The following MSH4 variants were observed in gnomAD, a reference collection of about 807,000 sequenced individuals.
MSH4 encodes mutS protein homolog 4.
A neutral mutation model predicts 113.7 loss-of-function variants in MSH4; 106 were observed. The observed-to-expected ratio is 0.93, with a 90% CI of 0.80 to 1.10. The LOEUF (loss-of-function observed/expected upper bound fraction) is 1.10. Ranked by LOEUF, MSH4 falls within the 50% of genes least tolerant of loss-of-function variation. The pLI is 0.00. For synonymous variants in MSH4, 368 were observed against 380.2 expected (o/e 0.97, Z 0.37); for missense variants, 1,061 against 1,093.7 (o/e 0.97, Z 0.42).
intron 19 of MSH4, among the ~76,000 whole-genome samples, chr1:75,910,356 A>T (rs1652763014): frequency 6.6e-6 from 1 of 151,812 alleles, no homozygotes; most frequent in Non-Finnish European, 1.5e-5. Context: ...ATGTGGAATT[A>T]TTCTCTCCTG....
At chr1:75,843,952 C>T (rs980099108) in intron 7 of MSH4, among the ~76,000 whole-genome samples, 3 of 152,102 alleles carry the variant, frequency 2.0e-5, no homozygotes, top group East Asian at 3.9e-4. Context: ...GCGGGGATTA[C>T]AGGCATGCAC....
intron 1 of MSH4, among the ~76,000 whole-genome samples, chr1:75,799,344 A>G (rs1337903614): frequency 1.3e-5 from 2 of 152,156 alleles, no homozygotes; most frequent in Non-Finnish European, 1.5e-5. Context: ...GGTTCAAATT[A>G]TGTTAGCAGC....
chr1:75,826,158 G>T (rs1031039440), intron 7 of MSH4, among the ~76,000 whole-genome samples: 1 of 152,028 alleles, frequency 6.6e-6, no homozygotes, highest in Non-Finnish European at 1.5e-5. Context: ...TATTGGTCTA[G>T]TCACAGATTC....
chr1:75,797,044 C>G lies in MSH4; in HGVS notation c.59C>G (p.Ser20Trp), dbSNP rs1557485262. 2 of 1,614,074 alleles carry G rather than the reference C, an allele frequency of 1.2e-6. No individual in the cohort carries two copies. The highest frequency in any genetic ancestry group is 4.5e-5 in the East Asian group (2 of 44,876). The change falls in exon 1 of 20, where the codon TCG (serine) becomes TGG (tryptophan). Residue 20 changes from serine (S) to tryptophan (W), a missense_variant. Physicochemically the swap from Ser to Trp is radical, Grantham distance 177. Transcript: ENST00000263187. ...TCTGCCCCGGCGGTTTCCCCGTCGT[C>G]GGGAGAAACCCGCTCACCTCAGGGT... ...SPSAPAVSPS[S>W]GETRSPQGPR...
intron 7 of MSH4, among the ~76,000 whole-genome samples, chr1:75,825,352 G>A (rs1650523330): frequency 6.6e-6 from 1 of 152,090 alleles, no homozygotes; most frequent in South Asian, 2.1e-4. Flanking sequence ...ATCAGTTTAA[G>A]GAGTTTTTGG....
chr1:75,894,381 C>G (rs12136341), intron 17 of MSH4, among the ~76,000 whole-genome samples: 9 of 152,130 alleles, frequency 5.9e-5, no homozygotes, highest in South Asian at 2.1e-4. Context: ...CATAAAAGTT[C>G]TAGGTTGAGG....
At chr1:75,891,515 G>A (rs954045463) in intron 17 of MSH4, among the ~76,000 whole-genome samples, 6 of 151,988 alleles carry the variant, frequency 3.9e-5, no homozygotes, top group African/African-American at 9.7e-5. Context: ...GTGCAGTGGC[G>A]CAATCTTGGC....
At chr1:75,875,123 A>G (rs1651791202) in intron 9 of MSH4, among the ~76,000 whole-genome samples, 1 of 152,236 alleles carries the variant, frequency 6.6e-6, no homozygotes, top group South Asian at 2.1e-4. Flanking sequence ...CGAACTCCTG[A>G]GCTCAAGCAA....
intron 4 of MSH4, 69 bp downstream of exon 4, chr1:75,810,876 T>G: frequency 1.3e-6 from 1 of 762,786 alleles, no homozygotes; most frequent in East Asian, 3.5e-5. Flanking sequence ...TATTTATTAT[T>G]TATTTATTTT....
intron 7 of MSH4, among the ~76,000 whole-genome samples, chr1:75,824,046 C>T (rs1042932852): frequency 3.9e-5 from 6 of 152,088 alleles, no homozygotes; most frequent in African/African-American, 9.7e-5. Context: ...CTTGAGGAAT[C>T]GCCACACTGT....
intron 7 of MSH4, among the ~76,000 whole-genome samples, chr1:75,843,767 A>T (rs1651019269): frequency 6.6e-6 from 1 of 152,158 alleles, no homozygotes; most frequent in Admixed American, 6.5e-5. Context: ...GACACCTGAC[A>T]GTTTGAACAG....
chr1:75,889,435 A>T, intron 16 of MSH4, 66 bp downstream of exon 16: 1 of 697,634 alleles, frequency 1.4e-6, no homozygotes, highest in Admixed American at 2.8e-5. Flanking sequence ...CAGTTATCAC[A>T]TAAAATATTT....
chr1:75,882,665 A>T (rs5745479), intron 14 of MSH4, among the ~76,000 whole-genome samples: 405 of 20,616 alleles, frequency 0.02, 24 homozygotes, highest in Middle Eastern at 0.095. Context: ...CTCATTTCTA[A>T]AAAAAAAAAA....
At chr1:75,814,303 A>G (rs2100513139) in intron 4 of MSH4, among the ~76,000 whole-genome samples, 1 of 151,556 alleles carries the variant, frequency 6.6e-6, no homozygotes, top group East Asian at 1.9e-4. Context: ...AAAAAAAAAA[A>G]AAAAAAAAAA....
chr1:75,842,365 T>C (rs1467680872), intron 7 of MSH4, among the ~76,000 whole-genome samples: 1 of 152,052 alleles, frequency 6.6e-6, no homozygotes, highest in African/African-American at 2.4e-5. Context: ...CTTCTGGATC[T>C]GGAAAGAAAG....
At chr1:75,897,098 T>A (rs1652402447) in intron 17 of MSH4, among the ~76,000 whole-genome samples, 1 of 152,206 alleles carries the variant, frequency 6.6e-6, no homozygotes, top group African/African-American at 2.4e-5. Flanking sequence ...ACTCATAATG[T>A]CTTAAAACGT....
chr1:75,867,540 A>C lies in MSH4; in HGVS notation c.1257A>C (p.Thr419=), dbSNP rs549587664. The change falls in exon 9 of 20, where the codon ACA becomes ACC. Residue 419 remains threonine (T), a synonymous_variant. Coordinates refer to ENST00000263187, the MANE Select transcript of MSH4 (RefSeq NM_002440.4). ...TCAATGCTGCTGAATCAAAGATAACAAATTTAATATACTTAAAACATACCT... is the reference window on the plus strand; with the variant it reads ...TCAATGCTGCTGAATCAAAGATAACCAATTTAATATACTTAAAACATACCT... The part of the protein sequence containing the change: ...DTVNAAESKI[T]NLIYLKHTLE... 2.3e-5 allele frequency: 37 copies of C among 1,598,348 alleles called. No individual in the cohort carries two copies. The African/African-American group carries it at 4.6e-4, about 20-fold the overall frequency.
intron 8 of MSH4, among the ~76,000 whole-genome samples, chr1:75,858,079 G>A (rs749800623): frequency 1.3e-5 from 2 of 152,126 alleles, no homozygotes; most frequent in African/African-American, 2.4e-5. Context: ...TCTGTTATTG[G>A]TGTATAGGCA....
At chr1:75,803,347 G>A (rs1014348887) in intron 1 of MSH4, among the ~76,000 whole-genome samples, 4 of 151,644 alleles carry the variant, frequency 2.6e-5, no homozygotes, top group Admixed American at 1.3e-4. Flanking sequence ...GGTTGGGTGC[G>A]GTGACTCAGG....
Sources: gnomAD v4.1 joint callset for allele counts (sites outside exome capture counted in the v4.1 genomes callset) on GRCh38, gnomAD v4.1.1 for gene constraint, MANE v1.5 for transcripts, NCBI Gene and HGNC (gene_info 2026-07-23, HGNC 2026-07-21) for gene names.